Variants in ANK2 observed in about 807,000 individuals in gnomAD.
ANK2 encodes ankyrin-2.
In ANK2, 83 loss-of-function variants were observed where a neutral mutation model predicts 360.5. The ratio of observed to expected loss-of-function variants is 0.23; its 90% CI spans 0.19 to 0.28. The LOEUF is 0.28. Ranked by LOEUF, ANK2 falls within the 10% of genes least tolerant of loss-of-function variation. The pLI is 1.00. For synonymous variants in ANK2, 1,740 were observed against 1,759.5 expected (o/e 0.99, Z 0.28); for missense variants, 4,201 against 4,795.7 (o/e 0.88, Z 3.66).
At chr4:112,705,818 C>T in the ANK2 span, among the ~76,000 whole-genome samples, 2 of 152,200 alleles carry the variant, frequency 1.3e-5, no homozygotes, top group Non-Finnish European at 2.9e-5. Flanking sequence ...CGGCAGCTCG[C>T]ACTTTCAGAG....
At chr4:112,982,508 A>C (rs2043409314) in intron 2 of ANK2, among the ~76,000 whole-genome samples, 1 of 152,212 alleles carries the variant, frequency 6.6e-6, no homozygotes, top group South Asian at 2.1e-4. Context: ...TGTGTTCTTG[A>C]AAAATAGAAT....
upstream of ANK2, among the ~76,000 whole-genome samples, chr4:112,817,439 T>C (rs765023673): frequency 1.3e-5 from 2 of 152,186 alleles, no homozygotes. Flanking sequence ...TGACTTCCTG[T>C]CTGCTTATCT....
chr4:112,874,557 G>A (rs1485936242), intron 1 of ANK2, among the ~76,000 whole-genome samples: 5 of 148,566 alleles, frequency 3.4e-5, no homozygotes, highest in Middle Eastern at 3.5e-3. Flanking sequence ...CAGGAGAATC[G>A]CTTGAATGTG....
intron 1 of ANK2, among the ~76,000 whole-genome samples, chr4:112,900,380 A>G (rs1238970634): frequency 6.6e-6 from 1 of 152,036 alleles, no homozygotes; most frequent in South Asian, 2.1e-4. Context: ...GTTTGTTCAG[A>G]TCAGGATCCG....
At chr4:112,830,384 A>G (rs925916887) in intron 1 of ANK2, among the ~76,000 whole-genome samples, 17 of 152,222 alleles carry the variant, frequency 1.1e-4, no homozygotes, top group African/African-American at 4.1e-4. Flanking sequence ...ATCCTAAGCA[A>G]ATTAACACAG....
intron 9 of ANK2, among the ~76,000 whole-genome samples, chr4:113,246,159 C>T (rs565147973): frequency 6.6e-6 from 1 of 152,266 alleles, no homozygotes; most frequent in East Asian, 1.9e-4. Flanking sequence ...ATCTCAATTT[C>T]CCCCAGCATT....
chr4:113,214,538 A>G (rs1487195168), intron 4 of ANK2: 1 of 565,726 alleles, frequency 1.8e-6, no homozygotes, highest in Non-Finnish European at 3.1e-6. Flanking sequence ...CCTGTTGCTT[A>G]TAATATTCAA....
Position 113,237,038 on chromosome 4 carries a change from GT to G in ANK2, c.536del (p.Val179GlyfsTer13). 6.2e-7 allele frequency: 1 copy of G among 1,614,166 alleles called. No individual in the cohort carries two copies. The highest frequency in any genetic ancestry group is 8.5e-7 in the Non-Finnish European group (1 of 1,180,022). On this transcript the variant is annotated frameshift_variant, in exon 6 of 46. Coordinates refer to ENST00000357077, the MANE Select transcript of ANK2 (RefSeq NM_001148.6). LOFTEE classifies it high-confidence loss of function. Reference protein sequence around the residue: ...VALQQGHNQAVAILLENDTKG... With the variant: ...VALQQGHNQAXAILLENDTKG... ...ACTCCAGCAAGGACACAACCAGGCG[GT>G]GGCCATCCTCTTGGAGAATGACACC...
chr4:113,183,746 G>A (rs191668306), intron 2 of ANK2, among the ~76,000 whole-genome samples: 2 of 152,108 alleles, frequency 1.3e-5, no homozygotes, highest in African/African-American at 4.8e-5. Context: ...GACCATGGAA[G>A]TGAGCGGATA....
intron 2 of ANK2, among the ~76,000 whole-genome samples, chr4:113,037,881 A>C (rs1360374089): frequency 2.6e-5 from 4 of 152,050 alleles, no homozygotes; most frequent in African/African-American, 9.7e-5. Context: ...TCAGAACTAA[A>C]GACTAAATTC....
chr4:112,873,911 A>G (rs1227652245), intron 1 of ANK2, among the ~76,000 whole-genome samples: 1 of 151,806 alleles, frequency 6.6e-6, no homozygotes, highest in African/African-American at 2.4e-5. Context: ...CATTCCTTTT[A>G]AATTTATTAA....
Position 113,205,366 on chromosome 4 carries a change from T to C in ANK2, c.384+6257T>C, listed in dbSNP as rs1217716982. On this transcript the variant is annotated intron_variant, in intron 4 of 45. Coordinates refer to ENST00000357077, the MANE Select transcript of ANK2 (RefSeq NM_001148.6). ...GGAATTTCTTGTTTCTGTCCTCTCA[T>C]AAGGATTCTAGAAACAGATTTGTTT... Among the ~76,000 whole-genome samples, 3 of 152,228 alleles carry C rather than the reference T, an allele frequency of 2.0e-5. No individual in the cohort carries two copies. The East Asian group carries it at 5.8e-4, about 29-fold the overall frequency.
intron 1 of ANK2, among the ~76,000 whole-genome samples, chr4:113,134,380 CT>C (rs1402281485): frequency 1.4e-5 from 2 of 140,104 alleles, no homozygotes; most frequent in Non-Finnish European, 3.0e-5. Context: ...TGAGGTATTA[CT>C]CACAACAAAT....
At chr4:112,771,672 G>A in the ANK2 span, among the ~76,000 whole-genome samples, 3 of 151,204 alleles carry the variant, frequency 2.0e-5, no homozygotes, top group Non-Finnish European at 2.9e-5. Flanking sequence ...TGCAAGCTCC[G>A]CCTCCCGAGT....
chr4:113,199,594 A>T (rs1003176253), intron 4 of ANK2, among the ~76,000 whole-genome samples: 2 of 152,192 alleles, frequency 1.3e-5, no homozygotes, highest in African/African-American at 4.8e-5. Flanking sequence ...TTTTAAAATG[A>T]AATTAAGAAA....
intron 4 of ANK2, chr4:113,213,935 G>T (rs2099053808): frequency 3.2e-6 from 2 of 623,182 alleles, no homozygotes; most frequent in African/African-American, 1.9e-5. Flanking sequence ...AAAAAGAAAC[G>T]ACAAAATGCT....
chr4:112,744,600 T>G, the ANK2 span, among the ~76,000 whole-genome samples: 1 of 152,120 alleles, frequency 6.6e-6, no homozygotes, highest in East Asian at 1.9e-4. Flanking sequence ...TCCACCCACC[T>G]CAGCCTCTCA....
intron 2 of ANK2, among the ~76,000 whole-genome samples, chr4:113,012,043 A>G (rs1259231800): frequency 6.6e-6 from 1 of 152,082 alleles, no homozygotes; most frequent in Admixed American, 6.5e-5. Context: ...AACAACAACA[A>G]CATGTTCTTT....
chr4:113,363,859 C>T (rs528523950), intron 40 of ANK2, among the ~76,000 whole-genome samples: 1 of 152,198 alleles, frequency 6.6e-6, no homozygotes, highest in Admixed American at 6.5e-5. Context: ...CAGCTTGGTT[C>T]CCATGCAAAG....
Sources: allele counts gnomAD v4.1 joint callset (sites outside exome capture counted in the v4.1 genomes callset), GRCh38; gene constraint gnomAD v4.1.1; transcripts MANE v1.5; gene names NCBI Gene and HGNC (gene_info 2026-07-23, HGNC 2026-07-21).